ATP8A2: variants seen among roughly 807,000 people sequenced by gnomAD.
The protein encoded by ATP8A2 is ATPase phospholipid transporting 8A2.
A neutral mutation model predicts 165.6 loss-of-function variants in ATP8A2; 100 were observed. That is an observed-to-expected ratio of 0.60 (90% confidence interval 0.51 to 0.71). The LOEUF is 0.71. Among genes scored for constraint, ATP8A2 ranks in the 30% least tolerant of loss-of-function variants. The pLI, the probability that ATP8A2 is intolerant of heterozygous loss-of-function variation, is 0.00. For missense variants in ATP8A2, 1,227 were observed against 1,479.5 expected, an observed-to-expected ratio of 0.83 and a Z score of 2.80; for synonymous variants, 543 against 548.8, an observed-to-expected ratio of 0.99 and a Z score of 0.15.
rs1486195741 is a variant in ATP8A2, at chr13:26,020,787, G to C, written c.*802G>C. 1.3e-5 allele frequency: 2 copies of C among 152,324 alleles called. No homozygotes were observed. The highest frequency in any genetic ancestry group is 4.8e-5 in the African/African-American group (2 of 41,454). 9.4% of individuals were successfully genotyped at this position (152,324 alleles called of 1,614,324 possible). ...TTCCACTGCAGACTCAGATACAGATGCGAAAAATTCCTTCTTCCACCGCCC... is the reference window on the plus strand; with the variant it reads ...TTCCACTGCAGACTCAGATACAGATCCGAAAAATTCCTTCTTCCACCGCCC... On this transcript the variant is annotated 3_prime_UTR_variant, in exon 37 of 37. Coordinates refer to ENST00000381655, the MANE Select transcript of ATP8A2 (RefSeq NM_016529.6).
chr13:25,560,294 C>T (rs1486232086), intron 15 of ATP8A2, among the ~76,000 whole-genome samples: 1 of 152,184 alleles, frequency 6.6e-6, no homozygotes, highest in East Asian at 1.9e-4. Flanking sequence ...GCCCTTGGTT[C>T]AGTGTTTCCC....
intron 2 of ATP8A2, among the ~76,000 whole-genome samples, chr13:25,469,439 T>C (rs7322786): frequency 0.34 from 51,811 of 152,126 alleles, 9,369 homozygotes; most frequent in African/African-American, 0.47. Flanking sequence ...GGCTTCCTTC[T>C]CGGAACCCCT....
Position 25,817,872 on chromosome 13 carries a change from G to A in ATP8A2, c.2680-10246G>A, listed in dbSNP as rs146078630. Among the ~76,000 whole-genome samples the A allele has an allele frequency of 7.3e-3, 1,106 of 151,780 alleles. 15 individuals carry two copies. The highest frequency in any genetic ancestry group is 0.026 in the African/African-American group (1,062 of 41,350). On this transcript the variant is annotated intron_variant, in intron 27 of 36. Coordinates refer to ENST00000381655, the MANE Select transcript of ATP8A2 (RefSeq NM_016529.6). ...TTTGAAAAAATTTTTGTAGAGACAG[G>A]GTCTCACTCTGTTGCCCAGGCTGAT...
At position 25,862,357 on chromosome 13, in the gene ATP8A2, C is replaced by T; in HGVS notation, c.3132C>T (p.Ile1044=). The T allele has an allele frequency of 6.2e-7, 1 of 1,614,100 alleles. No homozygotes were observed. Among genetic ancestry groups the T allele is most frequent in the Non-Finnish European group, 8.5e-7 (1 of 1,179,990 alleles). Reference sequence around the variant, plus strand: ...TGACCTGGCTGGTGTTTTTTGGCATCTACTCGACCATCTGGCCCACCATTC... The same window carrying T: ...TGACCTGGCTGGTGTTTTTTGGCATTTACTCGACCATCTGGCCCACCATTC... ...SMLTWLVFFG[I]YSTIWPTIPI... Residue 1044 remains isoleucine (I), a synonymous_variant, in exon 33 of 37, where the codon ATC becomes ATT. Transcript: ENST00000381655.
intron 24 of ATP8A2, among the ~76,000 whole-genome samples, chr13:25,637,090 CTCAAAAAAAAA>C (rs1165879045): frequency 3.2e-5 from 1 of 30,784 alleles, no homozygotes; most frequent in Admixed American, 5.8e-4. Flanking sequence ...AAGACCCTGT[CTCAAAAAAAAA>C]AAAAAAAAAA....
intron 35 of ATP8A2, among the ~76,000 whole-genome samples, chr13:25,990,021 C>T (rs1028176804): frequency 1.3e-5 from 2 of 152,190 alleles, no homozygotes; most frequent in Non-Finnish European, 2.9e-5. Flanking sequence ...AGGCCAGCGC[C>T]TCCCTTCCCC....
At chr13:25,988,053 G>A (rs553190885) in intron 35 of ATP8A2, among the ~76,000 whole-genome samples, 14 of 152,212 alleles carry the variant, frequency 9.2e-5, no homozygotes, top group Non-Finnish European at 1.8e-4. Context: ...AAACAAAGTC[G>A]TAAGTATCTA....
At chr13:25,479,526 T>C (rs976463358) in intron 2 of ATP8A2, among the ~76,000 whole-genome samples, 15 of 152,106 alleles carry the variant, frequency 9.9e-5, no homozygotes, top group African/African-American at 3.1e-4. Context: ...CATTCTTGGG[T>C]GTTTCTCACG....
chr13:25,789,265 A>G (rs1383989866), intron 27 of ATP8A2, among the ~76,000 whole-genome samples: 1 of 152,234 alleles, frequency 6.6e-6, no homozygotes, highest in Non-Finnish European at 1.5e-5. Context: ...ACAAAACACA[A>G]TAATGTAATT....
chr13:25,769,983 G>T (rs217881), intron 26 of ATP8A2, among the ~76,000 whole-genome samples: 1 of 152,194 alleles, frequency 6.6e-6, no homozygotes, highest in Non-Finnish European at 1.5e-5. Context: ...TTCCTAACCC[G>T]TAGGGTGCAT....
intron 35 of ATP8A2, among the ~76,000 whole-genome samples, chr13:26,008,143 G>A (rs995515117): frequency 6.6e-6 from 1 of 152,116 alleles, no homozygotes; most frequent in Non-Finnish European, 1.5e-5. Context: ...AAGAACTAGA[G>A]CACACACAGG....
intron 27 of ATP8A2, among the ~76,000 whole-genome samples, chr13:25,778,287 G>A (rs1484518232): frequency 6.6e-6 from 1 of 152,212 alleles, no homozygotes; most frequent in African/African-American, 2.4e-5. Context: ...ACATGCTTAC[G>A]TATTTTTATT....
intron 24 of ATP8A2, among the ~76,000 whole-genome samples, chr13:25,592,252 C>A (rs916007410): frequency 2.7e-5 from 4 of 150,368 alleles, no homozygotes; most frequent in African/African-American, 7.5e-5. Context: ...TTCTACCTCC[C>A]TTTAGTCCCT....
chr13:25,513,894 C>T (rs1304707766), intron 2 of ATP8A2, among the ~76,000 whole-genome samples: 2 of 149,684 alleles, frequency 1.3e-5, no homozygotes, highest in Non-Finnish European at 3.0e-5. Flanking sequence ...TGCAGTGAGC[C>T]GAGATGGGAG....
chr13:25,838,019 G>T (rs1159461831), intron 29 of ATP8A2, among the ~76,000 whole-genome samples: 1 of 152,186 alleles, frequency 6.6e-6, no homozygotes. Context: ...GTGTGCCTGG[G>T]CACAGAGGGG....
intron 33 of ATP8A2, among the ~76,000 whole-genome samples, chr13:25,872,611 A>T (rs921469517): frequency 4.6e-5 from 7 of 152,130 alleles, no homozygotes; most frequent in South Asian, 2.1e-4. Context: ...GTAGAAGCGA[A>T]TTGTTTGAAA....
At chr13:25,652,338 T>G (rs1005724969) in intron 24 of ATP8A2, among the ~76,000 whole-genome samples, 1 of 152,216 alleles carries the variant, frequency 6.6e-6, no homozygotes, top group Non-Finnish European at 1.5e-5. Flanking sequence ...GATTCCTCCT[T>G]TACCATGTGT....
At chr13:25,384,431 G>A (rs1486459560) in intron 1 of ATP8A2, among the ~76,000 whole-genome samples, 1 of 152,072 alleles carries the variant, frequency 6.6e-6, no homozygotes, top group Admixed American at 6.5e-5. Context: ...CTTTTCTGGT[G>A]GCAACTCTAG....
chr13:25,733,068 T>A (rs1230204287), intron 25 of ATP8A2, among the ~76,000 whole-genome samples: 1 of 152,176 alleles, frequency 6.6e-6, no homozygotes, highest in Non-Finnish European at 1.5e-5. Flanking sequence ...TACATGCCTT[T>A]ATGATGAAAT....
Sources: allele counts gnomAD v4.1 joint callset (sites outside exome capture counted in the v4.1 genomes callset), GRCh38; gene constraint gnomAD v4.1.1; transcripts MANE v1.5; gene names NCBI Gene and HGNC (gene_info 2026-07-23, HGNC 2026-07-21).